Variants in ADCK5 observed in about 807,000 individuals in gnomAD.
The protein encoded by ADCK5 is uncharacterized aarF domain-containing protein kinase 5.
In ADCK5, 43 loss-of-function variants were observed where a neutral mutation model predicts 64.9. The observed-to-expected ratio is 0.66, with a 90% CI of 0.52 to 0.85. The LOEUF is 0.85. ADCK5 is among the 40% of genes least tolerant of loss of function. ADCK5 has a pLI of 0.00. For synonymous variants in ADCK5, 434 were observed against 342.8 expected (o/e 1.27, Z -2.94); for missense variants, 760 against 810.5 (o/e 0.94, Z 0.76).
chr8:144,390,593 T>C (rs923563661), intron 3 of ADCK5, 78 bp from the exon 4 acceptor site: 14 of 1,435,258 alleles, frequency 9.8e-6, no homozygotes, highest in Admixed American at 9.5e-5. Context: ...GGCTAGACCA[T>C]GAGGGCTCTG....
chr8:144,382,017 C>T (rs1395562451), intron 2 of ADCK5, among the ~76,000 whole-genome samples: 5 of 123,754 alleles, frequency 4.0e-5, no homozygotes, highest in Non-Finnish European at 8.2e-5. Context: ...GATTATGGGC[C>T]GGGTGTAGAA....
At position 144,392,509 on chromosome 8, in the gene ADCK5, G is replaced by T; in HGVS notation, c.1332G>T (p.Ser444=). The part of the protein sequence containing the change: ...RPVRLGQLWG[S]HLLSREEAAY... Reference sequence around the variant, plus strand: ...TGCGCCTGGGGCAGCTGTGGGGCTCGCACCTACTGAGCCGCGAAGAGGCGG... The same window carrying T: ...TGCGCCTGGGGCAGCTGTGGGGCTCTCACCTACTGAGCCGCGAAGAGGCGG... The change falls in exon 13 of 15, where the codon TCG becomes TCT. Residue 444 remains serine (S), a synonymous_variant. Coordinates refer to ENST00000308860, the MANE Select transcript of ADCK5 (RefSeq NM_174922.5). 6.5e-7 allele frequency: 1 copy of T among 1,540,634 alleles called. No homozygotes were observed. The highest frequency in any genetic ancestry group is 8.7e-7 in the Non-Finnish European group (1 of 1,149,446).
Position 144,384,669 on chromosome 8 carries a change from G to C in ADCK5, c.266+1439G>C, listed in dbSNP as rs781918529. On this transcript the variant is annotated intron_variant, in intron 3 of 14. Coordinates refer to ENST00000308860, the MANE Select transcript of ADCK5 (RefSeq NM_174922.5). The surrounding 1 kb of genome is among the most constrained non-coding windows in gnomAD (Gnocchi z 5.7). ...TGCCAGCCACCGTCCCCTGCAGCCTGGTTCTGAAATGTCGGCTTGGCAGGC... is the reference window on the plus strand; with the variant it reads ...TGCCAGCCACCGTCCCCTGCAGCCTCGTTCTGAAATGTCGGCTTGGCAGGC... 2.6e-5 allele frequency among the ~76,000 whole-genome samples: 4 copies of C among 152,216 alleles called. No individual in the cohort carries two copies. The highest frequency in any genetic ancestry group is 4.4e-5 in the Non-Finnish European group (3 of 68,036).
rs929545591 is a variant in ADCK5, at chr8:144,376,003, G to A, written c.12+1896G>A. Among the ~76,000 whole-genome samples the A allele has an allele frequency of 1.3e-5, 2 of 152,174 alleles. No homozygotes were observed. The highest frequency in any genetic ancestry group is 3.9e-4 in the East Asian group (2 of 5,194). On this transcript the variant is annotated intron_variant, in intron 1 of 14. Transcript: ENST00000308860. The surrounding 1 kb of genome is among the most constrained non-coding windows in gnomAD (Gnocchi z 5.1). ...GGATTGGGCTCTGGGAAGTCCTTCT[G>A]GGAGATGCAGCTGCAGGCTCGCCCC...
Position 144,391,271 on chromosome 8 carries a change from G to A in ADCK5, c.681G>A (p.Val227=), listed in dbSNP as rs782488184. ...TGCACGATGGCACCAGCGTGGCTGT[G>A]AAGGTATATGGGGGCTGCCTTGTTC... ...AKLHDGTSVA[V]KVQYIDLRDR... The change falls in exon 6 of 15, where the codon GTG becomes GTA. Residue 227 remains valine, a synonymous_variant. Coordinates refer to ENST00000308860, the MANE Select transcript of ADCK5 (RefSeq NM_174922.5). The A allele has an allele frequency of 3.0e-5, 49 of 1,612,286 alleles. No individual in the cohort carries two copies. The Middle Eastern group carries it at 2.1e-3, about 70-fold the overall frequency.
chr8:144,391,080 G>T, intron 5 of ADCK5, 24 bp downstream of exon 5: 5 of 1,611,018 alleles, frequency 3.1e-6, no homozygotes, highest in Non-Finnish European at 4.2e-6. Context: ...CAGGCCGAGG[G>T]AGGTGGGGCC....
chr8:144,391,524 G>A, intron 7 of ADCK5, 50 bp downstream of exon 7: 1 of 1,587,098 alleles, frequency 6.3e-7, no homozygotes, highest in African/African-American at 1.4e-5. Context: ...CGTAGGCAGA[G>A]CTGGTAGGAG....
rs1322961675 is a variant in ADCK5 at position 144,392,814 on chromosome 8, A to G, written c.1559A>G (p.Tyr520Cys). 6.3e-7 allele frequency: 1 copy of G among 1,593,554 alleles called. No individual in the cohort carries two copies. The highest frequency in any genetic ancestry group is 8.5e-7 in the Non-Finnish European group (1 of 1,174,696). Residue 520 changes from tyrosine (Y) to cysteine (C), a missense_variant, in exon 14 of 15, where the codon TAT becomes TGT. By Grantham distance (194) the Tyr-to-Cys change is radical. Around this residue, in one of 2 missense-constraint regions of ADCK5, gnomAD observed 333 missense variants for 292.0 expected, o/e 1.14. Transcript: ENST00000308860. ...TGGAGCCGCCTGGCGGGCGCCACGT[A>G]TCGGGGTGTCTACGGCACCAGCCTC... Reference protein sequence around the residue: ...RGWSRLAGATYRGVYGTSLLR... With the variant: ...RGWSRLAGATCRGVYGTSLLR...
chr8:144,388,164 C>T (rs1820005617), intron 3 of ADCK5, among the ~76,000 whole-genome samples: 1 of 151,192 alleles, frequency 6.6e-6, no homozygotes, highest in African/African-American at 2.4e-5. Flanking sequence ...TCGAGACCAG[C>T]CTGACCAACG....
At chr8:144,389,084 C>G (rs1554859840) in intron 3 of ADCK5, among the ~76,000 whole-genome samples, 8 of 152,214 alleles carry the variant, frequency 5.3e-5, no homozygotes, top group Non-Finnish European at 4.4e-5. Context: ...GGCTGCCCAG[C>G]TGGTCCCCAG....
rs781989211 is a variant in ADCK5, at chr8:144,391,214, C to T, written c.624C>T (p.Ala208=). 50 of 1,612,628 alleles carry T rather than the reference C, an allele frequency of 3.1e-5. No homozygotes were observed. The highest frequency in any genetic ancestry group is 6.7e-5 in the East Asian group (3 of 44,886). Residue 208 remains alanine (A), a synonymous_variant, in exon 6 of 15, where the codon GCC becomes GCT. Transcript: ENST00000308860. ...AGTTTGACTACCAGCCAATTGCTGC[C>T]GCCAGCCTGGCACAGGTGCACAGAG... is the stretch of plus-strand genomic sequence containing the variant. The part of the protein sequence containing the change: ...FQEFDYQPIA[A]ASLAQVHRAK...
intron 2 of ADCK5, among the ~76,000 whole-genome samples, chr8:144,381,836 T>C (rs377663558): frequency 0.54 from 9,035 of 16,720 alleles, 1,521 homozygotes; most frequent in Middle Eastern, 0.64. Flanking sequence ...AGGCCCCTGC[T>C]GCACTCAGGA....
intron 1 of ADCK5, 145 bp from the exon 2 acceptor site, chr8:144,379,242 C>A: frequency 1.9e-6 from 1 of 526,984 alleles, no homozygotes; most frequent in Non-Finnish European, 3.3e-6. Flanking sequence ...CTGGGTAGTT[C>A]TTTAGAGCAG....
At position 144,384,412 on chromosome 8, in the gene ADCK5, C is replaced by CAA. The variant is rs1819820247; in HGVS notation, c.266+1183_266+1184insAA. On this transcript the variant is annotated intron_variant, in intron 3 of 14. Coordinates refer to ENST00000308860, the MANE Select transcript of ADCK5 (RefSeq NM_174922.5). This position sits in a 1 kb window ranked among gnomAD's most constrained non-coding sequence, Gnocchi z 5.7. Reference sequence around the variant, plus strand: ...GAGTGGAAGCTTGTGGATAGCTGGGCACCTGAGGATTTTCAGCCTAAAAGA... The same window carrying CAA: ...GAGTGGAAGCTTGTGGATAGCTGGGCAAACCTGAGGATTTTCAGCCTAAAAGA... Among the ~76,000 whole-genome samples the CAA allele has an allele frequency of 2.0e-5, 3 of 152,198 alleles. No homozygotes were observed. The highest frequency in any genetic ancestry group is 2.0e-4 in the Admixed American group (3 of 15,280).
chr8:144,387,772 C>T (rs2130717416), intron 3 of ADCK5, among the ~76,000 whole-genome samples: 1 of 150,798 alleles, frequency 6.6e-6, no homozygotes, highest in Admixed American at 6.6e-5. Context: ...ACTCTTGTTG[C>T]CCAGGCTGGA....
chr8:144,389,375 C>T (rs1337956965), intron 3 of ADCK5: 1 of 456,188 alleles, frequency 2.2e-6, no homozygotes, highest in Non-Finnish European at 4.4e-6. Flanking sequence ...TGCCTCAGCC[C>T]TGCCCCCTTG....
chr8:144,389,179 T>G (rs1420404209), intron 3 of ADCK5: 2 of 440,784 alleles, frequency 4.5e-6, no homozygotes, highest in Non-Finnish European at 9.2e-6. Context: ...CTTGCCTAAA[T>G]CTCCCCCAGG....
rs539772134 is a variant in ADCK5, at chr8:144,384,059, A to ATTAT, written c.266+853_266+856dup. ...GGTGCCCACCACCATGCCTGGCTAA[A>ATTAT]TTATTTATTTATTTATTTATTTATT... On this transcript the variant is annotated intron_variant, in intron 3 of 14. Coordinates refer to ENST00000308860, the MANE Select transcript of ADCK5 (RefSeq NM_174922.5). This position sits in a 1 kb window ranked among gnomAD's most constrained non-coding sequence, Gnocchi z 5.7. Among the ~76,000 whole-genome samples, 743 of 151,444 alleles carry ATTAT rather than the reference A, an allele frequency of 4.9e-3. 2 individuals are homozygous for ATTAT. The highest frequency in any genetic ancestry group is 0.016 in the African/African-American group (642 of 41,260).
chr8:144,383,270 G>A (rs781975423), intron 3 of ADCK5, 40 bp downstream of exon 3: 64 of 1,519,126 alleles, frequency 4.2e-5, no homozygotes, highest in Non-Finnish European at 5.1e-5. Flanking sequence ...GCGGCGTGGC[G>A]GGCGGGGTGT....
Sources: gnomAD v4.1 joint callset for allele counts (sites outside exome capture counted in the v4.1 genomes callset) on GRCh38, gnomAD v4.1.1 for gene constraint, gnomAD v4.1.1 regional missense constraint, Gnocchi (gnomAD v3.1) non-coding constraint, MANE v1.5 for transcripts, NCBI Gene and HGNC (gene_info 2026-07-23, HGNC 2026-07-21) for gene names.